Variants in MECOM observed in about 807,000 individuals in gnomAD.
MECOM encodes the protein MDS1 and EVI1 complex locus.
MECOM carries 13 observed loss-of-function variants against 116.3 expected under a neutral mutation model. The ratio of observed to expected loss-of-function variants is 0.11; its 90% CI spans 0.07 to 0.18. The LOEUF is 0.18. Among genes scored for constraint, MECOM ranks in the 10% least tolerant of loss-of-function variants. The pLI, the probability that MECOM is intolerant of heterozygous loss-of-function variation, is 1.00. For synonymous variants in MECOM, 528 were observed against 535.2 expected (o/e 0.99, Z 0.19); for missense variants, 1,299 against 1,509.0 (o/e 0.86, Z 2.31).
chr3:169,626,547 C>A (rs1771395603), intron 1 of MECOM, among the ~76,000 whole-genome samples: 1 of 152,238 alleles, frequency 6.6e-6, no homozygotes, highest in African/African-American at 2.4e-5. Context: ...CTGAGATGAA[C>A]TAGCCTGTGG....
intron 14 of MECOM, among the ~76,000 whole-genome samples, chr3:169,092,025 T>C (rs1362355791): frequency 6.6e-6 from 1 of 152,130 alleles, no homozygotes; most frequent in African/African-American, 2.4e-5. Flanking sequence ...TTCTCAACAA[T>C]AGATATTTAA....
rs28655861 is a variant in MECOM at position 169,484,741 on chromosome 3, A to G, written c.38-103217T>C. 7.5e-3 allele frequency among the ~76,000 whole-genome samples: 1,147 copies of G among 152,188 alleles called. 14 individuals are homozygous for G. Among genetic ancestry groups the G allele is most frequent in the African/African-American group, 0.027 (1,108 of 41,502 alleles). The stretch of plus-strand genomic sequence containing the variant: ...TGAAATTATGGCACTTTTATTTCCT[A>G]TGAAGGCACACTAACATTGGAAGGC... On this transcript the variant is annotated intron_variant, in intron 1 of 16. Coordinates refer to ENST00000651503, the MANE Select transcript of MECOM (RefSeq NM_004991.4).
At chr3:169,188,985 G>T (rs1313177479) in intron 2 of MECOM, among the ~76,000 whole-genome samples, 1 of 151,984 alleles carries the variant, frequency 6.6e-6, no homozygotes, top group African/African-American at 2.4e-5. Context: ...ATTTATATTT[G>T]CATCCTATAA....
intron 1 of MECOM, among the ~76,000 whole-genome samples, chr3:169,431,404 C>T (rs1205797498): frequency 3.3e-5 from 5 of 152,188 alleles, no homozygotes; most frequent in Non-Finnish European, 7.3e-5. Flanking sequence ...TTGGCACTGC[C>T]TACTGGCTTA....
At chr3:169,093,530 G>A (rs1720478012) in intron 13 of MECOM, among the ~76,000 whole-genome samples, 1 of 152,134 alleles carries the variant, frequency 6.6e-6, no homozygotes, top group Non-Finnish European at 1.5e-5. Flanking sequence ...TGGCTACTAT[G>A]CTAAAGCATA....
intron 2 of MECOM, among the ~76,000 whole-genome samples, chr3:169,179,204 T>A (rs2149390829): frequency 6.6e-6 from 1 of 152,298 alleles, no homozygotes; most frequent in South Asian, 2.1e-4. Flanking sequence ...TCTTTGTAAT[T>A]TATGTTTAAA....
intron 2 of MECOM, among the ~76,000 whole-genome samples, chr3:169,156,433 T>C (rs1252645974): frequency 6.6e-6 from 1 of 152,150 alleles, no homozygotes; most frequent in Non-Finnish European, 1.5e-5. Flanking sequence ...TTCTATCAAC[T>C]GACTGTTCTC....
intron 3 of MECOM, 22 bp from the exon 4 acceptor site, chr3:169,131,553 G>C (rs778681019): frequency 6.3e-7 from 1 of 1,576,942 alleles, no homozygotes; most frequent in Admixed American, 1.7e-5. Flanking sequence ...AAATAAAGGT[G>C]GATGGAATCA....
intron 2 of MECOM, among the ~76,000 whole-genome samples, chr3:169,283,701 G>A (rs1241173336): frequency 6.6e-6 from 1 of 152,222 alleles, no homozygotes; most frequent in East Asian, 1.9e-4. Flanking sequence ...GCATTTACAT[G>A]TAGGTTCCTT....
chr3:169,143,895 T>G, intron 2 of MECOM, 63 bp from the exon 3 acceptor site: 5 of 1,457,914 alleles, frequency 3.4e-6, no homozygotes, highest in Non-Finnish European at 3.6e-6. Context: ...AATAATCAGT[T>G]GTTTGAAAAT....
At chr3:169,372,725 C>T (rs1160924347) in intron 2 of MECOM, among the ~76,000 whole-genome samples, 9 of 152,010 alleles carry the variant, frequency 5.9e-5, no homozygotes, top group African/African-American at 2.2e-4. Flanking sequence ...TTGGGTTCTT[C>T]TGCCAGCTCT....
At chr3:169,663,215 G>T in intron 1 of MECOM, 121 bp downstream of exon 1, 1 of 1,141,016 alleles carries the variant, frequency 8.8e-7, no homozygotes, top group Non-Finnish European at 1.3e-6. Context: ...CGCTCCGCCT[G>T]CCCTCCACCC....
intron 1 of MECOM, among the ~76,000 whole-genome samples, chr3:169,427,531 TA>T (rs1418992072): frequency 6.6e-6 from 1 of 152,202 alleles, no homozygotes; most frequent in Admixed American, 6.5e-5. Flanking sequence ...ATTTGGTTAT[TA>T]AAAAGAAGAT....
intron 1 of MECOM, among the ~76,000 whole-genome samples, chr3:169,616,368 T>C (rs570976202): frequency 1.4e-3 from 208 of 152,256 alleles, no homozygotes; most frequent in Non-Finnish European, 2.3e-3. Context: ...TGGTTGGAGA[T>C]AGAGTCTTGC....
chr3:169,581,357 A>T (rs1374305783), intron 1 of MECOM, among the ~76,000 whole-genome samples: 1 of 152,160 alleles, frequency 6.6e-6, no homozygotes, highest in Non-Finnish European at 1.5e-5. Context: ...GGTGGCAAAA[A>T]AAAGCAGTTC....
intron 1 of MECOM, among the ~76,000 whole-genome samples, chr3:169,558,267 G>A (rs1255567220): frequency 1.3e-5 from 2 of 152,174 alleles, no homozygotes; most frequent in South Asian, 2.1e-4. Flanking sequence ...TTGCAGAGTC[G>A]AGAAAAATAT....
chr3:169,093,236 T>C (rs62295684), intron 13 of MECOM, 134 bp from the exon 14 acceptor site: 39,567 of 937,780 alleles, frequency 0.042, 989 homozygotes, highest in Non-Finnish European at 0.05. Flanking sequence ...ATAATAACTT[T>C]AGAAAGTCAA....
At chr3:169,238,847 G>A (rs1382979600) in intron 2 of MECOM, among the ~76,000 whole-genome samples, 1 of 152,074 alleles carries the variant, frequency 6.6e-6, no homozygotes, top group East Asian at 1.9e-4. Context: ...CCACTATTTA[G>A]TCAGTTAACA....
At chr3:169,141,612 A>AT (rs1484512256) in intron 3 of MECOM, among the ~76,000 whole-genome samples, 2 of 151,986 alleles carry the variant, frequency 1.3e-5, no homozygotes, top group Admixed American at 6.6e-5. Flanking sequence ...TTTTAATTGG[A>AT]TTTTAGAATA....
Sources: gnomAD v4.1 joint callset for allele counts (sites outside exome capture counted in the v4.1 genomes callset) on GRCh38, gnomAD v4.1.1 for gene constraint, MANE v1.5 for transcripts, NCBI Gene and HGNC (gene_info 2026-07-23, HGNC 2026-07-21) for gene names.